FSD1L: variants seen among roughly 807,000 people sequenced by gnomAD.
FSD1L encodes fibronectin type III and SPRY domain containing 1 like, also known as FSD1-like protein.
Under a neutral mutation model 71.6 loss-of-function variants are expected in FSD1L, and 45 were observed. The observed-to-expected ratio is 0.63, with a 90% CI of 0.49 to 0.81. The LOEUF (loss-of-function observed/expected upper bound fraction) is 0.81, where lower values mean the gene tolerates loss of function less well. Among genes scored for constraint, FSD1L ranks in the 30% least tolerant of loss-of-function variants. The pLI is 0.00. For missense variants in FSD1L, 561 were observed against 618.1 expected (o/e 0.91, Z 0.98); for synonymous variants, 197 against 207.2 (o/e 0.95, Z 0.42).
intron 3 of FSD1L, among the ~76,000 whole-genome samples, chr9:105,465,023 A>G (rs1046225331): frequency 1.3e-5 from 2 of 152,182 alleles, no homozygotes. Context: ...TACTTGTAGA[A>G]GTAGATGAAA....
chr9:105,532,548 A>G (rs1175091837), intron 10 of FSD1L, among the ~76,000 whole-genome samples: 1 of 152,206 alleles, frequency 6.6e-6, no homozygotes, highest in Admixed American at 6.5e-5. Context: ...GGAGATCTCA[A>G]CAACTATTCT....
chr9:105,456,676 T>C (rs1830376849), intron 1 of FSD1L, among the ~76,000 whole-genome samples: 1 of 152,224 alleles, frequency 6.6e-6, no homozygotes, highest in African/African-American at 2.4e-5. Context: ...TTGTATTTTT[T>C]TGTTGTTGTT....
In FSD1L at chr9:105,497,200, A is replaced by G. The variant is rs556802487; in HGVS notation, c.587-9199A>G. On this transcript the variant is annotated intron_variant, in intron 7 of 13. Transcript: ENST00000481272. ...TTTTTCAAATGTCGAACCAGCCTGC[A>G]TACTTGGAATAAATACCAGTTGGTC... is the stretch of plus-strand genomic sequence containing the variant. 2.0e-5 allele frequency among the ~76,000 whole-genome samples: 3 copies of G among 152,316 alleles called. No homozygotes were observed. The South Asian group carries it at 6.2e-4, about 32-fold the overall frequency.
Position 105,512,954 on chromosome 9 carries a change from A to C in FSD1L, c.1025+18A>C. ...AAGGGCAGGTAAGCTAGACCATTAA[A>C]TCTGCCATATGGACAAATGCTTGTA... is the stretch of plus-strand genomic sequence containing the variant. On this transcript the variant is annotated intron_variant, in intron 10 of 13. Coordinates refer to ENST00000481272, the MANE Select transcript of FSD1L (RefSeq NM_001145313.3). 2.0e-6 allele frequency: 3 copies of C among 1,498,696 alleles called. No homozygotes were observed. Among genetic ancestry groups the C allele is most frequent in the Non-Finnish European group, 2.7e-6 (3 of 1,127,914 alleles). 92.8% of individuals were successfully genotyped at this position (1,498,696 alleles called of 1,614,324 possible). A position where few individuals can be genotyped will look rare whatever the true frequency, so the allele number is the denominator to read the frequency against.
chr9:105,453,044 G>GTTTTTTTTTTTT (rs774826229), intron 1 of FSD1L, among the ~76,000 whole-genome samples: 6 of 88,238 alleles, frequency 6.8e-5, no homozygotes, highest in African/African-American at 1.5e-4. Flanking sequence ...ACCTAAAGTT[G>GTTTTTTTTTTTT]TTTTTTTTTT....
chr9:105,481,853 G>T (rs536042446), intron 6 of FSD1L, among the ~76,000 whole-genome samples: 13 of 151,738 alleles, frequency 8.6e-5, no homozygotes, highest in Admixed American at 2.0e-4. Context: ...GCTTACTGCA[G>T]CCTGGACCTC....
At chr9:105,515,485 G>A (rs1252100700) in intron 10 of FSD1L, among the ~76,000 whole-genome samples, 1 of 152,196 alleles carries the variant, frequency 6.6e-6, no homozygotes, top group Non-Finnish European at 1.5e-5. Context: ...GGGGTACCCG[G>A]TTCATCTCAT....
At chr9:105,518,335 CACCCGAA>C (rs1219151340) in intron 10 of FSD1L, among the ~76,000 whole-genome samples, 2 of 152,194 alleles carry the variant, frequency 1.3e-5, no homozygotes, top group African/African-American at 4.8e-5. Flanking sequence ...TAGAACTCTC[CACCCGAA>C]ATCAACAGAA....
intron 11 of FSD1L, 125 bp downstream of exon 11, chr9:105,534,718 T>A (rs752656398): frequency 3.2e-6 from 2 of 626,304 alleles, no homozygotes; most frequent in Non-Finnish European, 5.5e-6. Context: ...TTTCTCCCAA[T>A]TGAAGCCTAA....
intron 11 of FSD1L, among the ~76,000 whole-genome samples, 177 bp downstream of exon 11, chr9:105,534,770 C>T (rs1039835206): frequency 2.6e-5 from 4 of 152,064 alleles, no homozygotes; most frequent in East Asian, 1.9e-4. Flanking sequence ...ATTATTGATA[C>T]TTTTAAAACT....
At chr9:105,462,436 G>A (rs1251809107) in intron 2 of FSD1L, among the ~76,000 whole-genome samples, 1 of 150,784 alleles carries the variant, frequency 6.6e-6, no homozygotes, top group Non-Finnish European at 1.5e-5. Flanking sequence ...GGCCAGGCTG[G>A]TTTCAAACTT....
chr9:105,533,050 G>C (rs1835996845), intron 10 of FSD1L, among the ~76,000 whole-genome samples: 1 of 152,102 alleles, frequency 6.6e-6, no homozygotes, highest in African/African-American at 2.4e-5. Context: ...AATCTACTCA[G>C]TTGATCTTTT....
chr9:105,523,918 C>T, intron 10 of FSD1L: 1 of 1,591,410 alleles, frequency 6.3e-7, no homozygotes, highest in Non-Finnish European at 8.6e-7. Flanking sequence ...GGTAGAGTGG[C>T]TTCTTCAGCT....
intron 7 of FSD1L, among the ~76,000 whole-genome samples, chr9:105,503,691 A>G (rs1161699770): frequency 6.6e-6 from 1 of 152,170 alleles, no homozygotes; most frequent in African/African-American, 2.4e-5. Context: ...AGTAATATTT[A>G]TATGTTATAA....
At chr9:105,521,565 G>GA (rs1835158309) in intron 10 of FSD1L, 1 of 1,613,558 alleles carries the variant, frequency 6.2e-7, no homozygotes, top group African/African-American at 1.3e-5. Flanking sequence ...AGTATATCAA[G>GA]AATGGATCCA....
intron 7 of FSD1L, among the ~76,000 whole-genome samples, chr9:105,495,369 G>A (rs1833298899): frequency 6.6e-6 from 1 of 152,092 alleles, no homozygotes; most frequent in African/African-American, 2.4e-5. Flanking sequence ...CAGTATTGGG[G>A]TGGGAATGAC....
intron 10 of FSD1L, chr9:105,525,253 C>G: frequency 6.2e-7 from 1 of 1,605,266 alleles, no homozygotes; most frequent in African/African-American, 1.3e-5. Context: ...AGAAACTGTA[C>G]CAACTTGGGA....
chr9:105,501,642 C>T (rs899497010), intron 7 of FSD1L, among the ~76,000 whole-genome samples: 4 of 148,046 alleles, frequency 2.7e-5, no homozygotes, highest in African/African-American at 1.0e-4. Context: ...CTGTGTTGCT[C>T]AGGCTGGTCT....
intron 10 of FSD1L, chr9:105,523,459 T>A: frequency 6.2e-7 from 1 of 1,611,922 alleles, no homozygotes; most frequent in Non-Finnish European, 8.5e-7. Context: ...CGAAGAATGC[T>A]AGGCATTTTG....
Sources: allele counts gnomAD v4.1 joint callset (sites outside exome capture counted in the v4.1 genomes callset), GRCh38; gene constraint gnomAD v4.1.1; transcripts MANE v1.5; gene names NCBI Gene and HGNC (gene_info 2026-07-23, HGNC 2026-07-21).